Variants in ENTHD1 observed in about 807,000 individuals in gnomAD.
ENTHD1 encodes the protein ENTH domain-containing protein 1.
In ENTHD1, 23 loss-of-function variants were observed where a neutral mutation model predicts 39.1. The ratio of observed to expected loss-of-function variants is 0.59; its 90% CI spans 0.42 to 0.83. ENTHD1 has a LOEUF of 0.83. ENTHD1 is among the 40% of genes least tolerant of loss of function. The probability of loss-of-function intolerance (pLI) is 0.00; values close to 1 mark genes in which losing one functional copy is unlikely to be tolerated. For missense variants in ENTHD1, 624 were observed against 705.4 expected, an observed-to-expected ratio of 0.88 and a Z score of 1.31; for synonymous variants, 230 against 258.2, an observed-to-expected ratio of 0.89 and a Z score of 1.05.
At chr22:39,783,635 G>A (rs1666964788) in intron 5 of ENTHD1, among the ~76,000 whole-genome samples, 2 of 151,852 alleles carry the variant, frequency 1.3e-5, no homozygotes, top group Non-Finnish European at 2.9e-5. Flanking sequence ...AAGGTGCCAA[G>A]ACACACAATG....
chr22:39,799,719 C>A (rs992602558), intron 5 of ENTHD1, among the ~76,000 whole-genome samples: 1 of 152,152 alleles, frequency 6.6e-6, no homozygotes, highest in Non-Finnish European at 1.5e-5. Context: ...TCCCTTACTG[C>A]GCATGTGTTA....
intron 6 of ENTHD1, chr22:39,750,192 T>A: frequency 4.8e-6 from 1 of 207,242 alleles, no homozygotes; most frequent in Middle Eastern, 1.7e-3. Flanking sequence ...ATGGATCAAC[T>A]AGGAATACTG....
chr22:39,800,465 G>A (rs1428066955), intron 5 of ENTHD1, among the ~76,000 whole-genome samples: 1 of 152,186 alleles, frequency 6.6e-6, no homozygotes, highest in Admixed American at 6.5e-5. Flanking sequence ...AATCCTGCGT[G>A]TCTAACCTAC....
chr22:39,792,702 C>T (rs2065514205), intron 5 of ENTHD1, among the ~76,000 whole-genome samples: 2 of 152,132 alleles, frequency 1.3e-5, no homozygotes, highest in South Asian at 4.1e-4. Context: ...ATTGCAATTT[C>T]CCTGTCTTGA....
At chr22:39,772,149 A>G (rs1374511782) in intron 5 of ENTHD1, among the ~76,000 whole-genome samples, 4 of 152,182 alleles carry the variant, frequency 2.6e-5, no homozygotes, top group Non-Finnish European at 4.4e-5. Flanking sequence ...TTTGGGGATG[A>G]AACTGTTTTA....
At chr22:39,744,473 T>C (rs1010527076) in intron 6 of ENTHD1, among the ~76,000 whole-genome samples, 190 bp from the exon 7 acceptor site, 2 of 152,320 alleles carry the variant, frequency 1.3e-5, no homozygotes, top group African/African-American at 4.8e-5. Context: ...AATCTACAGA[T>C]GTATTATATA....
At chr22:39,812,032 A>C (rs1280042830) in intron 5 of ENTHD1, among the ~76,000 whole-genome samples, 1 of 151,280 alleles carries the variant, frequency 6.6e-6, no homozygotes, top group African/African-American at 2.4e-5. Flanking sequence ...AAAACGACAT[A>C]GATGAAACCA....
At chr22:39,848,277 C>CG (rs1480140416) in intron 3 of ENTHD1, among the ~76,000 whole-genome samples, 1 of 148,598 alleles carries the variant, frequency 6.7e-6, no homozygotes, top group Non-Finnish European at 1.5e-5. Flanking sequence ...TTTTTTGAGA[C>CG]GGAGTCTCAC....
At chr22:39,862,319 G>C (rs2066148522) in intron 2 of ENTHD1, among the ~76,000 whole-genome samples, 2 of 152,108 alleles carry the variant, frequency 1.3e-5, no homozygotes, top group Non-Finnish European at 2.9e-5. Flanking sequence ...GGAGGCTGAA[G>C]TGGGCAGATC....
chr22:39,777,192 A>C (rs2065371742), intron 5 of ENTHD1, among the ~76,000 whole-genome samples: 1 of 152,248 alleles, frequency 6.6e-6, no homozygotes, highest in African/African-American at 2.4e-5. Flanking sequence ...GGCCACAGTT[A>C]TAAATTAATA....
In ENTHD1 at chr22:39,861,872, A is replaced by C. The variant is rs1168645684; in HGVS notation, c.485T>G (p.Leu162Arg). Residue 162 changes from leucine (L) to arginine (R), a missense_variant, in exon 3 of 7, where the codon CTT becomes CGT. Transcript: ENST00000325157. ...CGCTGTCAGTGAGTTACTTGAACCAAGTTGTCTTTTAGAAAACAATATAGA... is the reference window on the plus strand; with the variant it reads ...CGCTGTCAGTGAGTTACTTGAACCACGTTGTCTTTTAGAAAACAATATAGA... The part of the protein sequence containing the change: ...SHSILFSKRQ[L>R]GSSNSLTACT... 6.2e-7 allele frequency: 1 copy of C among 1,606,046 alleles called. No homozygotes were observed.
intron 2 of ENTHD1, among the ~76,000 whole-genome samples, chr22:39,864,299 C>G (rs991990047): frequency 6.6e-6 from 1 of 152,132 alleles, no homozygotes; most frequent in African/African-American, 2.4e-5. Flanking sequence ...AGCTCTTCAT[C>G]TACTTAGAGC....
intron 1 of ENTHD1, among the ~76,000 whole-genome samples, chr22:39,890,791 G>A (rs550882576): frequency 1.4e-4 from 21 of 152,276 alleles, no homozygotes; most frequent in Admixed American, 1.2e-3. Context: ...GTCTAGAGAA[G>A]TGAATTCTTA....
chr22:39,888,260 CTT>C (rs61092462), intron 1 of ENTHD1, among the ~76,000 whole-genome samples: 1,649 of 110,628 alleles, frequency 0.015, 24 homozygotes, highest in Admixed American at 0.049. Context: ...TTCTTTCTTT[CTT>C]TTTTTTTTTT....
rs1227958925 is a variant in ENTHD1, at chr22:39,743,649, G to T, written c.*30C>A. Reference sequence around the variant, plus strand: ...AAGTCTTGGGGAAGTGGAACCACACGAGTTCTATCAAAAATAGATATTGTG... The same window carrying T: ...AAGTCTTGGGGAAGTGGAACCACACTAGTTCTATCAAAAATAGATATTGTG... On this transcript the variant is annotated 3_prime_UTR_variant, in exon 7 of 7. Coordinates refer to ENST00000325157, the MANE Select transcript of ENTHD1 (RefSeq NM_152512.4). 4 of 1,543,894 alleles carry T rather than the reference G, an allele frequency of 2.6e-6. No individual in the cohort carries two copies. In the East Asian group the frequency reaches 9.0e-5, roughly 35 times the overall value.
chr22:39,888,010 A>G lies in ENTHD1; in HGVS notation c.-155-107T>C, dbSNP rs542700442. 1.5e-3 allele frequency: 528 copies of G among 357,192 alleles called. 3 individuals are homozygous for G. The highest frequency in any genetic ancestry group is 5.3e-3 in the Middle Eastern group (7 of 1,314). The allele number at this position is 357,192 out of a possible 1,614,324, so 22.1% of individuals were successfully genotyped here. A position where few individuals can be genotyped will look rare whatever the true frequency, so the allele number is the denominator to read the frequency against. Reference sequence around the variant, plus strand: ...TTGTTTCTAAATCAGCCCCTCACTTACAGCAGCCAGAATTGAGGGTACCAT... The same window carrying G: ...TTGTTTCTAAATCAGCCCCTCACTTGCAGCAGCCAGAATTGAGGGTACCAT... On this transcript the variant is annotated intron_variant, in intron 1 of 6. Transcript: ENST00000325157.
chr22:39,822,317 C>A (rs1222952630), intron 4 of ENTHD1, among the ~76,000 whole-genome samples: 2 of 152,020 alleles, frequency 1.3e-5, no homozygotes, highest in Non-Finnish European at 2.9e-5. Context: ...TATATAGTAA[C>A]CACATTTCCT....
chr22:39,793,341 G>GTTT (rs78459155), intron 5 of ENTHD1, among the ~76,000 whole-genome samples: 346 of 130,098 alleles, frequency 2.7e-3, no homozygotes, highest in Non-Finnish European at 4.9e-3. Flanking sequence ...ATTATTAGTT[G>GTTT]TTTTTTTTTT....
At chr22:39,855,228 C>T (rs768495837) in intron 3 of ENTHD1, among the ~76,000 whole-genome samples, 5 of 152,170 alleles carry the variant, frequency 3.3e-5, no homozygotes, top group Non-Finnish European at 5.9e-5. Context: ...CTAAACATTC[C>T]TTCTGTTCTC....
Sources: gnomAD v4.1 joint callset for allele counts (sites outside exome capture counted in the v4.1 genomes callset) on GRCh38, gnomAD v4.1.1 for gene constraint, MANE v1.5 for transcripts, NCBI Gene and HGNC (gene_info 2026-07-23, HGNC 2026-07-21) for gene names.